Variants in AAK1 observed in about 807,000 individuals in gnomAD.
The protein encoded by AAK1 is AP2 associated kinase 1.
In AAK1, 37 loss-of-function variants were observed where a neutral mutation model predicts 116.0. The ratio of observed to expected loss-of-function variants is 0.32; its 90% confidence interval spans 0.25 to 0.42. The LOEUF (loss-of-function observed/expected upper bound fraction) is 0.42, where lower values mean the gene tolerates loss of function less well. AAK1 is among the 10% of genes least tolerant of loss of function. The probability of loss-of-function intolerance (pLI) is 1.00; values close to 1 mark genes in which losing one functional copy is unlikely to be tolerated. For missense variants in AAK1, 919 were observed against 1,170.6 expected (o/e 0.79, Z 3.14); for synonymous variants, 458 against 439.9 (o/e 1.04, Z -0.51).
intron 2 of AAK1, among the ~76,000 whole-genome samples, chr2:69,611,544 A>G (rs1320724701): frequency 6.6e-6 from 1 of 152,228 alleles, no homozygotes; most frequent in Non-Finnish European, 1.5e-5. Context: ...ATGGCCTATC[A>G]TGGGACTTTG....
intron 2 of AAK1, among the ~76,000 whole-genome samples, chr2:69,614,692 G>A (rs1432482161): frequency 2.6e-5 from 4 of 152,186 alleles, no homozygotes; most frequent in Non-Finnish European, 5.9e-5. Flanking sequence ...TAGAAAAAGA[G>A]TCTTTGTAGG....
intron 16 of AAK1, among the ~76,000 whole-genome samples, 171 bp from the exon 17 acceptor site, chr2:69,496,251 T>C (rs1675736293): frequency 6.6e-6 from 1 of 150,886 alleles, no homozygotes; most frequent in East Asian, 1.9e-4. Context: ...GCAAAGTATC[T>C]ATGAGATACT....
chr2:69,471,766 A>T lies in AAK1; in HGVS notation c.*4103T>A, dbSNP rs1020527675. The T allele has an allele frequency of 6.1e-6, 6 of 985,378 alleles. No homozygotes were observed. The highest frequency in any genetic ancestry group is 7.2e-6 in the Non-Finnish European group (6 of 829,964). 61.0% of individuals were successfully genotyped at this position (985,378 alleles called of 1,614,324 possible). On this transcript the variant is annotated 3_prime_UTR_variant, in exon 22 of 22. Transcript: ENST00000409085. ...AGATCCCTCCACATCATAGGCTGTC[A>T]GCCCCAAAGATCCCTTCATTCCCAC...
chr2:69,478,803 G>C (rs1336798302), intron 20 of AAK1, 148 bp downstream of exon 20: 3 of 645,786 alleles, frequency 4.6e-6, no homozygotes, highest in East Asian at 2.9e-5. Flanking sequence ...TTATAACACA[G>C]TATCTAGGAG....
chr2:69,465,441 G>A lies in AAK1; in HGVS notation c.*10428C>T. 1 of 1,288,834 alleles carries A rather than the reference G, an allele frequency of 7.8e-7. No individual in the cohort carries two copies. Among genetic ancestry groups the A allele is most frequent in the Non-Finnish European group, 1.0e-6 (1 of 987,388 alleles). 79.8% of individuals were successfully genotyped at this position (1,288,834 alleles called of 1,614,324 possible). A position where few individuals can be genotyped will look rare whatever the true frequency, so the allele number is the denominator to read the frequency against. ...GTTTTGCTCCTAGGGTTTCTTGCCTGATTTTGAAGGGAAGGGTGCTAGAGC... is the reference window on the plus strand; with the variant it reads ...GTTTTGCTCCTAGGGTTTCTTGCCTAATTTTGAAGGGAAGGGTGCTAGAGC... On this transcript the variant is annotated 3_prime_UTR_variant, in exon 22 of 22. Coordinates refer to ENST00000409085, the MANE Select transcript of AAK1 (RefSeq NM_014911.5).
In AAK1 at chr2:69,459,032, A is replaced by C. The variant is rs1228339482; in HGVS notation, c.*16837T>G. ...AATGGCTGGGGGACAGCTGAGAATA[A>C]ATTTATGGAATTACAAATTATGGGA... On this transcript the variant is annotated 3_prime_UTR_variant, in exon 22 of 22. Transcript: ENST00000409085. 6.6e-6 allele frequency: 1 copy of C among 152,116 alleles called. No homozygotes were observed. The highest frequency in any genetic ancestry group is 1.5e-5 in the Non-Finnish European group (1 of 68,038). 9.4% of individuals were successfully genotyped at this position (152,116 alleles called of 1,614,324 possible).
chr2:69,576,944 C>T (rs542053589), intron 2 of AAK1, among the ~76,000 whole-genome samples: 1 of 152,374 alleles, frequency 6.6e-6, no homozygotes, highest in South Asian at 2.1e-4. Flanking sequence ...ATTAAGACCA[C>T]ATGGCCTAGT....
chr2:69,504,166 G>C (rs891115694), intron 16 of AAK1, among the ~76,000 whole-genome samples: 3 of 151,996 alleles, frequency 2.0e-5, no homozygotes, highest in Non-Finnish European at 4.4e-5. Flanking sequence ...GGAGGCCGAA[G>C]CAGGCAGATC....
At chr2:69,526,836 G>C (rs927862388) in intron 9 of AAK1, among the ~76,000 whole-genome samples, 8 of 152,312 alleles carry the variant, frequency 5.3e-5, no homozygotes, top group Middle Eastern at 3.4e-3. Flanking sequence ...GGTTCTAACA[G>C]GCATGGGGGC....
chr2:69,611,672 G>C (rs2105218202), intron 2 of AAK1, among the ~76,000 whole-genome samples: 1 of 152,250 alleles, frequency 6.6e-6, no homozygotes, highest in African/African-American at 2.4e-5. Context: ...AGAATGCAGG[G>C]TCTTGAAGAG....
chr2:69,536,711 C>A lies in AAK1; in HGVS notation c.535-4549G>T, dbSNP rs775951044. On this transcript the variant is annotated intron_variant, in intron 5 of 21. Coordinates refer to ENST00000409085, the MANE Select transcript of AAK1 (RefSeq NM_014911.5). ...TGTCACTGTCAAACTCTGCTTACAGCTTTAGCAAAAAGATCTAAGAGGCTA... is the reference window on the plus strand; with the variant it reads ...TGTCACTGTCAAACTCTGCTTACAGATTTAGCAAAAAGATCTAAGAGGCTA... Among the ~76,000 whole-genome samples the A allele has an allele frequency of 5.3e-5, 8 of 152,292 alleles. No homozygotes were observed. In the South Asian group the frequency reaches 8.3e-4, roughly 16 times the overall value.
At chr2:69,630,340 T>C (rs4067984) in intron 2 of AAK1, among the ~76,000 whole-genome samples, 11,566 of 68,494 alleles carry the variant, frequency 0.17, 1,694 homozygotes, top group African/African-American at 0.4. Context: ...GGGCGGGGGG[T>C]GGGGGGGGAG....
At chr2:69,500,689 A>ATG (rs1558913539) in intron 16 of AAK1, among the ~76,000 whole-genome samples, 16 of 115,944 alleles carry the variant, frequency 1.4e-4, no homozygotes, top group African/African-American at 5.6e-4. Flanking sequence ...ATATATATAT[A>ATG]TATATATATA....
rs1209419481 is a variant in AAK1, at chr2:69,467,324, A to ATAC, written c.*8542_*8544dup. On this transcript the variant is annotated 3_prime_UTR_variant, in exon 22 of 22. Transcript: ENST00000409085. Reference sequence around the variant, plus strand: ...TACAGAAGCATTAGCAAACTCCAATATACTAGTCTATTTCTATCTAGGTAG... The same window carrying ATAC: ...TACAGAAGCATTAGCAAACTCCAATATACTACTAGTCTATTTCTATCTAGGTAG... 1.0e-6 allele frequency: 1 copy of ATAC among 985,458 alleles called. No individual in the cohort carries two copies. The highest frequency in any genetic ancestry group is 1.2e-6 in the Non-Finnish European group (1 of 829,932). 61.0% of individuals were successfully genotyped at this position (985,458 alleles called of 1,614,324 possible). A position where few individuals can be genotyped will look rare whatever the true frequency, so the allele number is the denominator to read the frequency against.
chr2:69,627,709 C>T (rs1674972809), intron 2 of AAK1, among the ~76,000 whole-genome samples: 1 of 152,178 alleles, frequency 6.6e-6, no homozygotes, highest in Non-Finnish European at 1.5e-5. Flanking sequence ...TCCTCTTCCT[C>T]CACACAGTCT....
At position 69,462,301 on chromosome 2, in the gene AAK1, T is replaced by C. The variant is rs1201721983; in HGVS notation, c.*13568A>G. On this transcript the variant is annotated 3_prime_UTR_variant, in exon 22 of 22. Coordinates refer to ENST00000409085, the MANE Select transcript of AAK1 (RefSeq NM_014911.5). ...AGTTAGTGGGTGCAGCACACGAGCA[T>C]GGCACATGTATACATATGTAACTAA... The C allele has an allele frequency of 6.6e-6, 1 of 150,830 alleles. No individual in the cohort carries two copies. The highest frequency in any genetic ancestry group is 1.5e-5 in the Non-Finnish European group (1 of 67,800). The allele number at this position is 150,830 out of a possible 1,614,324, so 9.3% of individuals were successfully genotyped here. A position where few individuals can be genotyped will look rare whatever the true frequency, so the allele number is the denominator to read the frequency against.
intron 2 of AAK1, among the ~76,000 whole-genome samples, chr2:69,618,641 C>T (rs868554406): frequency 6.6e-6 from 1 of 151,902 alleles, no homozygotes; most frequent in South Asian, 2.1e-4. Flanking sequence ...CTTTGTACTT[C>T]CCCCTCTGGC....
At chr2:69,506,044 T>C (rs574955446) in intron 15 of AAK1, among the ~76,000 whole-genome samples, 1 of 152,304 alleles carries the variant, frequency 6.6e-6, no homozygotes, top group Admixed American at 6.5e-5. Flanking sequence ...GATGATCTGC[T>C]TTCCATGTTG....
chr2:69,514,801 C>T lies in AAK1; in HGVS notation c.1498-52G>A. 2.0e-6 allele frequency: 3 copies of T among 1,488,266 alleles called. No homozygotes were observed. In the Admixed American group the frequency reaches 7.4e-5, roughly 37 times the overall value. The allele number at this position is 1,488,266 out of a possible 1,614,324, so 92.2% of individuals were successfully genotyped here. A position where few individuals can be genotyped will look rare whatever the true frequency, so the allele number is the denominator to read the frequency against. On this transcript the variant is annotated intron_variant, in intron 12 of 21. Coordinates refer to ENST00000409085, the MANE Select transcript of AAK1 (RefSeq NM_014911.5). ...AGGGCCTGTCCCAGAATAATAGTCA[C>T]AAAAGACAAATGTCTCAAAAACAAT...
Sources: allele counts gnomAD v4.1 joint callset (sites outside exome capture counted in the v4.1 genomes callset), GRCh38; gene constraint gnomAD v4.1.1; transcripts MANE v1.5; gene names NCBI Gene and HGNC (gene_info 2026-07-23, HGNC 2026-07-21).